Variants in IGF1 observed in about 807,000 individuals in gnomAD.
IGF1 encodes insulin-like growth factor 1.
A neutral mutation model predicts 13.8 loss-of-function variants in IGF1; 4 were observed. The observed-to-expected ratio is 0.29, with a 90% CI of 0.14 to 0.66. The LOEUF (loss-of-function observed/expected upper bound fraction) is 0.66, where lower values mean the gene tolerates loss of function less well. Among genes scored for constraint, IGF1 ranks in the 30% least tolerant of loss-of-function variants. IGF1 has a pLI of 0.78. For missense variants in IGF1, 124 were observed against 188.5 expected (o/e 0.66, Z 2.00); for synonymous variants, 76 against 72.6 (o/e 1.05, Z -0.23).
chr12:102,402,265 G>C lies in IGF1; in HGVS notation c.*242C>G. On this transcript the variant is annotated 3_prime_UTR_variant, in exon 4 of 4. Coordinates refer to ENST00000337514, the MANE Select transcript of IGF1 (RefSeq NM_000618.5). ...ATATATTTTTTTTTTCTTTTCTATA[G>C]AACATTATTGATAAAAGATCAACAG... The C allele has an allele frequency of 2.5e-6, 1 of 394,304 alleles. No individual in the cohort carries two copies. The highest frequency in any genetic ancestry group is 4.6e-6 in the Non-Finnish European group (1 of 217,376). 24.4% of individuals were successfully genotyped at this position (394,304 alleles called of 1,614,324 possible).
At chr12:102,409,959 A>G (rs551367625) in intron 3 of IGF1, among the ~76,000 whole-genome samples, 1 of 152,232 alleles carries the variant, frequency 6.6e-6, no homozygotes, top group African/African-American at 2.4e-5. Flanking sequence ...GTGGGGAAAC[A>G]GTAGCTAGCT....
chr12:102,411,520 T>C (rs1874638111), intron 3 of IGF1, among the ~76,000 whole-genome samples: 1 of 152,222 alleles, frequency 6.6e-6, no homozygotes, highest in South Asian at 2.1e-4. Flanking sequence ...TTGTAGAAAC[T>C]TTAGCCATGG....
rs1880966088 is a variant in IGF1, at chr12:102,475,571, C to G, written c.220+72G>C. 30 of 1,554,524 alleles carry G rather than the reference C, an allele frequency of 1.9e-5. 1 individual carries two copies. The South Asian group carries it at 3.3e-4, about 17-fold the overall frequency. On this transcript the variant is annotated intron_variant, in intron 2 of 3. Transcript: ENST00000337514. ...GCACTCATTCAGTTATTCACACACT[C>G]CCTGCGGTTGTAAATCCACAGAGCT...
intron 3 of IGF1, among the ~76,000 whole-genome samples, chr12:102,405,003 C>T (rs1283516273): frequency 1.3e-5 from 2 of 151,964 alleles, no homozygotes; most frequent in African/African-American, 2.4e-5. Context: ...GTGATCCACC[C>T]GCCTTGGCCT....
intron 2 of IGF1, among the ~76,000 whole-genome samples, chr12:102,454,928 G>T (rs908454741): frequency 1.8e-4 from 27 of 152,344 alleles, no homozygotes; most frequent in South Asian, 1.5e-3. Context: ...GTGCTTGGCA[G>T]AGAGGTTCAG....
intron 2 of IGF1, among the ~76,000 whole-genome samples, chr12:102,440,905 T>C (rs910743905): frequency 6.6e-6 from 1 of 152,218 alleles, no homozygotes; most frequent in African/African-American, 2.4e-5. Context: ...TCTAAAGGAA[T>C]GAGTTTTTTG....
intron 2 of IGF1, among the ~76,000 whole-genome samples, chr12:102,430,946 A>G (rs576109936): frequency 6.6e-6 from 1 of 152,338 alleles, no homozygotes; most frequent in East Asian, 1.9e-4. Context: ...TCAACAGGTC[A>G]CAAATCAGCC....
At chr12:102,438,430 G>T (rs972383874) in intron 2 of IGF1, among the ~76,000 whole-genome samples, 16 of 152,164 alleles carry the variant, frequency 1.1e-4, no homozygotes, top group Non-Finnish European at 7.3e-5. Context: ...GGCTGTAAAC[G>T]TTATCTTATT....
rs56947594 is a variant in IGF1, at chr12:102,428,236, G to GTATATATATATATATATATATA, written c.221-8547_221-8546insTATATATATATATATATATATA. On this transcript the variant is annotated intron_variant, in intron 2 of 3. Transcript: ENST00000337514. ...CGACCCACTTTGTAATCAATAATGT[G>GTATATATATATATATATATATA]TATATATATATATGGCATATTAATG... Among the ~76,000 whole-genome samples the GTATATATATATATATATATATA allele has an allele frequency of 8.9e-3, 615 of 69,478 alleles. 78 individuals carry two copies. Among genetic ancestry groups the GTATATATATATATATATATATA allele is most frequent in the African/African-American group, 0.02 (460 of 23,110 alleles). 45.6% of individuals were successfully genotyped at this position (69,478 alleles called of 152,430 possible).
intron 2 of IGF1, among the ~76,000 whole-genome samples, chr12:102,457,540 C>T (rs1879522052): frequency 6.6e-6 from 1 of 152,192 alleles, no homozygotes; most frequent in Non-Finnish European, 1.5e-5. Flanking sequence ...TAGAACACAA[C>T]CATGCCTCTA....
intron 2 of IGF1, among the ~76,000 whole-genome samples, chr12:102,465,127 A>G (rs777061442): frequency 6.6e-6 from 1 of 152,212 alleles, no homozygotes; most frequent in Non-Finnish European, 1.5e-5. Context: ...AGGCAGCAAC[A>G]TGCTTTTCTT....
intron 2 of IGF1, among the ~76,000 whole-genome samples, chr12:102,441,061 C>G (rs1013396021): frequency 6.6e-6 from 1 of 152,176 alleles, no homozygotes; most frequent in African/African-American, 2.4e-5. Flanking sequence ...AAGGAAATCT[C>G]CAAGCCTCTT....
intron 2 of IGF1, among the ~76,000 whole-genome samples, chr12:102,459,925 AAT>A (rs1334568916): frequency 6.6e-6 from 1 of 152,220 alleles, no homozygotes; most frequent in Non-Finnish European, 1.5e-5. Context: ...AACGTAATAA[AAT>A]AGACAAGCGT....
At position 102,399,484 on chromosome 12, in the gene IGF1, T is replaced by C. The variant is rs1276630478; in HGVS notation, c.*3023A>G. Reference sequence around the variant, plus strand: ...GGTTGTGACATTTTGGTTGCTCCTTTCTATGAAATCTGAGTCATTCTGCTG... The same window carrying C: ...GGTTGTGACATTTTGGTTGCTCCTTCCTATGAAATCTGAGTCATTCTGCTG... On this transcript the variant is annotated 3_prime_UTR_variant, in exon 4 of 4. Transcript: ENST00000337514. The C allele has an allele frequency of 1.3e-5, 2 of 152,208 alleles. No homozygotes were observed. The highest frequency in any genetic ancestry group is 3.8e-4 in the East Asian group (2 of 5,202). The allele number at this position is 152,208 out of a possible 1,614,324, so 9.4% of individuals were successfully genotyped here.
Position 102,467,492 on chromosome 12 carries a change from C to A in IGF1, c.220+8151G>T, listed in dbSNP as rs144372068. 2.6e-5 allele frequency among the ~76,000 whole-genome samples: 4 copies of A among 152,234 alleles called. No homozygotes were observed. In the East Asian group the frequency reaches 7.7e-4, roughly 29 times the overall value. The stretch of plus-strand genomic sequence containing the variant: ...CAAAGTTGACATTGGAGAGAGTGAC[C>A]ATAGAGTCAGAATAGTATAATATAC... On this transcript the variant is annotated intron_variant, in intron 2 of 3. Transcript: ENST00000337514.
chr12:102,412,402 A>ACG (rs1401381742), intron 3 of IGF1, among the ~76,000 whole-genome samples: 1 of 152,042 alleles, frequency 6.6e-6, no homozygotes, highest in Non-Finnish European at 1.5e-5. Flanking sequence ...ACACACACAC[A>ACG]CGCGCACACA....
At chr12:102,447,030 C>A (rs993477289) in intron 2 of IGF1, among the ~76,000 whole-genome samples, 3 of 152,102 alleles carry the variant, frequency 2.0e-5, no homozygotes, top group Non-Finnish European at 4.4e-5. Context: ...TGTACTTGTG[C>A]AGTTTTGAGT....
intron 2 of IGF1, among the ~76,000 whole-genome samples, chr12:102,451,982 G>T (rs957160492): frequency 2.6e-5 from 4 of 152,066 alleles, no homozygotes; most frequent in Non-Finnish European, 2.9e-5. Flanking sequence ...GTCTACTTCG[G>T]CCGGGCGCGG....
Position 102,396,953 on chromosome 12 carries a change from AG to A in IGF1, c.*5553del. 3 of 398,192 alleles carry A rather than the reference AG, an allele frequency of 7.5e-6. No individual in the cohort carries two copies. Among genetic ancestry groups the A allele is most frequent in the East Asian group, 7.1e-5 (2 of 28,046 alleles). 24.7% of individuals were successfully genotyped at this position (398,192 alleles called of 1,614,324 possible). On this transcript the variant is annotated 3_prime_UTR_variant, in exon 4 of 4. Transcript: ENST00000337514. ...TGTGGTGGCTCATGCCTGTAATCCCAGCAATTTGGGAGGCTGAGGCGGGCAA... is the reference window on the plus strand; with the variant it reads ...TGTGGTGGCTCATGCCTGTAATCCCACAATTTGGGAGGCTGAGGCGGGCAA...
Sources: gnomAD v4.1 joint callset for allele counts (sites outside exome capture counted in the v4.1 genomes callset) on GRCh38, gnomAD v4.1.1 for gene constraint, MANE v1.5 for transcripts, NCBI Gene and HGNC (gene_info 2026-07-23, HGNC 2026-07-21) for gene names.